Variants in PCDHGB2 observed in about 807,000 individuals in gnomAD.
PCDHGB2 encodes protocadherin gamma subfamily B, 2, also known as protocadherin gamma-B2.
Under a neutral mutation model 59.3 loss-of-function variants are expected in PCDHGB2, and 55 were observed. The ratio of observed to expected loss-of-function variants is 0.93; its 90% CI spans 0.75 to 1.16. The LOEUF is 1.16. PCDHGB2 is among the 50% of genes most tolerant of loss of function. The pLI is 0.00. For missense variants in PCDHGB2, 1,228 were observed against 1,198.5 expected, an observed-to-expected ratio of 1.02 and a Z score of -0.36; for synonymous variants, 516 against 512.0, an observed-to-expected ratio of 1.01 and a Z score of -0.11.
chr5:141,410,238 C>CA, intron 1 of PCDHGB2: 1 of 1,614,046 alleles, frequency 6.2e-7, no homozygotes, highest in Non-Finnish European at 8.5e-7. Context: ...AGCGACCGCC[C>CA]TGTACTCTCT....
chr5:141,508,790 C>T (rs1181979966), intron 3 of PCDHGB2, among the ~76,000 whole-genome samples: 1 of 152,072 alleles, frequency 6.6e-6, no homozygotes, highest in African/African-American at 2.4e-5. Flanking sequence ...CCCTAAATCA[C>T]TCTGGAATCC....
intron 1 of PCDHGB2, among the ~76,000 whole-genome samples, chr5:141,420,845 G>A (rs1038454602): frequency 6.6e-6 from 1 of 152,200 alleles, no homozygotes; most frequent in African/African-American, 2.4e-5. Flanking sequence ...GGTGTTCTTG[G>A]TAAAGTTTTA....
At chr5:141,393,270 C>A in intron 1 of PCDHGB2, 1 of 1,613,916 alleles carries the variant, frequency 6.2e-7, no homozygotes, top group East Asian at 2.2e-5. Context: ...AGCACGTTAT[C>A]CACTCCCAGA....
rs779293216 is a variant in PCDHGB2, at chr5:141,361,698, T to A, written c.1563T>A (p.Asp521Glu). ...SGVVFAQRAFDHEQLRAFELT... is the reference protein window; with the variant it reads ...SGVVFAQRAFEHEQLRAFELT... ...TGGTGTTCGCGCAGCGCGCCTTCGA[T>A]CATGAGCAGCTGCGCGCCTTCGAGC... Residue 521 changes from aspartate to glutamate, a missense_variant, in exon 1 of 4, where the codon GAT (aspartate) becomes GAA (glutamate). Physicochemically the swap from Asp to Glu is conservative, Grantham distance 45. This residue lies in a region of PCDHGB2 where 781 missense variants were observed against 721.6 expected (regional missense o/e 1.08). Coordinates refer to ENST00000522605, the MANE Select transcript of PCDHGB2 (RefSeq NM_018923.3). 3 of 1,613,408 alleles carry A rather than the reference T, an allele frequency of 1.9e-6. No individual in the cohort carries two copies. Among genetic ancestry groups the A allele is most frequent in the South Asian group, 2.2e-5 (2 of 91,080 alleles).
chr5:141,448,338 T>A (rs1053822287), intron 1 of PCDHGB2, among the ~76,000 whole-genome samples: 1 of 152,192 alleles, frequency 6.6e-6, no homozygotes, highest in African/African-American at 2.4e-5. Context: ...TATAGCCATG[T>A]ACCTCAATCT....
rs1165142153 is a variant in PCDHGB2 at position 141,402,786 on chromosome 5, G to A, written c.2421+40230G>A. On this transcript the variant is annotated intron_variant, in intron 1 of 3. Transcript: ENST00000522605. ...ACTCCATCCGGATTTCCAGTTCTGC[G>A]GCTACACAAAACCCGGCAGATACCA... 3.3e-6 allele frequency: 3 copies of A among 907,574 alleles called. No homozygotes were observed. The African/African-American group carries it at 5.0e-5, about 15-fold the overall frequency. 56.2% of individuals were successfully genotyped at this position (907,574 alleles called of 1,614,324 possible).
At chr5:141,423,659 A>G in intron 1 of PCDHGB2, 2 of 1,551,038 alleles carry the variant, frequency 1.3e-6, no homozygotes, top group Non-Finnish European at 1.7e-6. Flanking sequence ...ACAAGTAATC[A>G]GGTGAGATTT....
chr5:141,503,304 A>G (rs946582779), intron 2 of PCDHGB2, among the ~76,000 whole-genome samples: 1 of 152,150 alleles, frequency 6.6e-6, no homozygotes, highest in African/African-American at 2.4e-5. Flanking sequence ...ATTGCTCAAG[A>G]AAGAATTGTT....
chr5:141,370,269 G>A (rs1185604406), intron 1 of PCDHGB2: 1 of 783,942 alleles, frequency 1.3e-6, no homozygotes, highest in Admixed American at 3.1e-5. Flanking sequence ...TCCTGCAGCG[G>A]AGACACCCAT....
In PCDHGB2 at chr5:141,391,891, A is replaced by C. The variant is rs140956361; in HGVS notation, c.2421+29335A>C. 7.1e-4 allele frequency: 108 copies of C among 152,338 alleles called. No individual in the cohort carries two copies. In the East Asian group the frequency reaches 0.015, roughly 21 times the overall value. 9.4% of individuals were successfully genotyped at this position (152,338 alleles called of 1,614,324 possible). On this transcript the variant is annotated intron_variant, in intron 1 of 3. Coordinates refer to ENST00000522605, the MANE Select transcript of PCDHGB2 (RefSeq NM_018923.3). ...TCATCTCTTTGGTGAAAGGGATGGG[A>C]TGGAGCTTTGCTTTTTATCATATAT... is the stretch of plus-strand genomic sequence containing the variant.
At chr5:141,385,921 T>C (rs1283836532) in intron 1 of PCDHGB2, 1 of 152,286 alleles carries the variant, frequency 6.6e-6, no homozygotes. Context: ...CTAAGATCTA[T>C]ATCAAAGACA....
At chr5:141,403,144 C>A in intron 1 of PCDHGB2, 10 of 1,614,042 alleles carry the variant, frequency 6.2e-6, no homozygotes, top group Non-Finnish European at 8.5e-6. Flanking sequence ...AGCGCCGAGT[C>A]CGCATCGTCT....
At chr5:141,386,498 A>G (rs961063181) in intron 1 of PCDHGB2, among the ~76,000 whole-genome samples, 2 of 135,914 alleles carry the variant, frequency 1.5e-5, no homozygotes, top group African/African-American at 5.6e-5. Context: ...TAATATAACA[A>G]GACTCTGTCT....
At chr5:141,484,454 G>T (rs932663778) in intron 1 of PCDHGB2, among the ~76,000 whole-genome samples, 2 of 152,212 alleles carry the variant, frequency 1.3e-5, no homozygotes, top group Non-Finnish European at 2.9e-5. Context: ...AATTGGCTAC[G>T]TTAATGTGTA....
At chr5:141,470,112 G>T (rs1186184232) in intron 1 of PCDHGB2, among the ~76,000 whole-genome samples, 1 of 152,104 alleles carries the variant, frequency 6.6e-6, no homozygotes, top group Non-Finnish European at 1.5e-5. Flanking sequence ...CTGAGCAACA[G>T]AGCAAGACTT....
chr5:141,405,858 T>C (rs2094727577), intron 1 of PCDHGB2, among the ~76,000 whole-genome samples: 1 of 152,200 alleles, frequency 6.6e-6, no homozygotes, highest in Non-Finnish European at 1.5e-5. Flanking sequence ...GTGTTTCTCA[T>C]CACTTTTCAC....
chr5:141,410,827 A>G lies in PCDHGB2; in HGVS notation c.2421+48271A>G. The G allele has an allele frequency of 1.4e-5, 6 of 440,972 alleles. No individual in the cohort carries two copies. The South Asian group carries it at 2.4e-4, about 18-fold the overall frequency. 27.3% of individuals were successfully genotyped at this position (440,972 alleles called of 1,614,324 possible). The stretch of plus-strand genomic sequence containing the variant: ...TCTTTTTGTAAAATAATGTCACCAG[A>G]CTGAAGATATTTTGTCTTTGTCTTT... On this transcript the variant is annotated intron_variant, in intron 1 of 3. Transcript: ENST00000522605.
intron 1 of PCDHGB2, chr5:141,365,824 G>A: frequency 1.2e-6 from 2 of 1,613,926 alleles, no homozygotes; most frequent in Non-Finnish European, 1.7e-6. Context: ...CATTTCAGGG[G>A]GCGCCCTTGT....
intron 1 of PCDHGB2, chr5:141,388,479 C>A (rs1345463224): frequency 6.2e-7 from 1 of 1,613,770 alleles, no homozygotes. Context: ...ATTGAAGACA[C>A]CTTTGGACAG....
Sources: allele counts gnomAD v4.1 joint callset (sites outside exome capture counted in the v4.1 genomes callset), GRCh38; gene constraint gnomAD v4.1.1; regional missense constraint gnomAD v4.1.1; transcripts MANE v1.5; gene names NCBI Gene and HGNC (gene_info 2026-07-23, HGNC 2026-07-21).